CDH23: variants seen among roughly 807,000 people sequenced by gnomAD.
CDH23 encodes the protein cadherin-23.
CDH23 carries 189 observed loss-of-function variants against 317.1 expected under a neutral mutation model. That is an observed-to-expected ratio of 0.60 (90% CI 0.53 to 0.67). The LOEUF (loss-of-function observed/expected upper bound fraction) is 0.67. CDH23 is among the 30% of genes least tolerant of loss of function. The pLI is 0.00. For synonymous variants in CDH23, 1,839 were observed against 1,876.8 expected (o/e 0.98, Z 0.52); for missense variants, 4,401 against 4,592.4 (o/e 0.96, Z 1.20).
At chr10:71,640,068 A>T (rs577734095) in intron 11 of CDH23, among the ~76,000 whole-genome samples, 19 of 152,296 alleles carry the variant, frequency 1.2e-4, no homozygotes, top group African/African-American at 3.4e-4. Context: ...AGCAAGTCTC[A>T]TTCATTTGAA....
chr10:71,682,304 G>A, intron 17 of CDH23, 141 bp from the exon 18 acceptor site: 1 of 1,081,062 alleles, frequency 9.3e-7, no homozygotes, highest in South Asian at 1.6e-5. Context: ...TCGAGATGTT[G>A]AGGCTCCAGG....
chr10:71,786,658 C>T (rs1388710923), intron 44 of CDH23, among the ~76,000 whole-genome samples: 13 of 151,824 alleles, frequency 8.6e-5, no homozygotes, highest in African/African-American at 2.4e-4. Flanking sequence ...CCACCTTGCC[C>T]GGCTAATTTT....
At chr10:71,707,218 T>C in intron 26 of CDH23, 169 bp downstream of exon 26, 1 of 1,491,180 alleles carries the variant, frequency 6.7e-7, no homozygotes, top group African/African-American at 1.4e-5. Flanking sequence ...TGCTCCTGGC[T>C]CTTCCCAAGG....
At chr10:71,519,412 G>A (rs578075834) in intron 6 of CDH23, among the ~76,000 whole-genome samples, 36 of 152,358 alleles carry the variant, frequency 2.4e-4, no homozygotes, top group Admixed American at 1.0e-3. Context: ...GAGGGTACAG[G>A]GTCTTCTGCC....
intron 1 of CDH23, among the ~76,000 whole-genome samples, chr10:71,425,267 G>GAGGA (rs1849014206): frequency 7.2e-6 from 1 of 138,206 alleles, no homozygotes; most frequent in Non-Finnish European, 1.6e-5. Context: ...GAGAGAGAGA[G>GAGGA]AGGAAGGAAG....
chr10:71,652,881 A>G (rs1479649534), intron 14 of CDH23, among the ~76,000 whole-genome samples: 2 of 152,186 alleles, frequency 1.3e-5, no homozygotes, highest in Non-Finnish European at 2.9e-5. Flanking sequence ...GGGCTGGTTC[A>G]GGGCCTTCTG....
chr10:71,643,411 A>T (rs1266680829), intron 11 of CDH23, among the ~76,000 whole-genome samples: 1 of 152,186 alleles, frequency 6.6e-6, no homozygotes, highest in Non-Finnish European at 1.5e-5. Context: ...TTAGGAAAAT[A>T]AAAACATGGG....
At chr10:71,563,771 C>T (rs1012962804) in intron 6 of CDH23, among the ~76,000 whole-genome samples, 12 of 143,958 alleles carry the variant, frequency 8.3e-5, no homozygotes, top group Non-Finnish European at 1.2e-4. Context: ...TTTTTTGAGA[C>T]GGAGTCTTGC....
At chr10:71,569,335 G>A (rs1469415471) in intron 7 of CDH23, among the ~76,000 whole-genome samples, 2 of 152,188 alleles carry the variant, frequency 1.3e-5, no homozygotes, top group Non-Finnish European at 1.5e-5. Context: ...GCCAGGAGGA[G>A]GCACCAGGCT....
In CDH23 at chr10:71,659,487, G is replaced by A. The variant is rs576999473; in HGVS notation, c.1449+12870G>A. ...GTTTGGGGTGGCTTAATCTCACTCT[G>A]TAATCTCTGTACAGGGGATAGTAGC... On this transcript the variant is annotated intron_variant, in intron 14 of 69. Coordinates refer to ENST00000224721, the MANE Select transcript of CDH23 (RefSeq NM_022124.6). 1.7e-4 allele frequency among the ~76,000 whole-genome samples: 26 copies of A among 152,298 alleles called. No individual in the cohort carries two copies. In the South Asian group the frequency reaches 5.2e-3, roughly 30 times the overall value.
chr10:71,549,407 C>T (rs115141720), intron 6 of CDH23, among the ~76,000 whole-genome samples: 4,982 of 152,268 alleles, frequency 0.033, 276 homozygotes, highest in African/African-American at 0.11. Flanking sequence ...TGGAGGGACT[C>T]CAGAGAGGGG....
At chr10:71,489,218 G>C (rs754080906) in intron 3 of CDH23, among the ~76,000 whole-genome samples, 9 of 152,182 alleles carry the variant, frequency 5.9e-5, no homozygotes, top group Non-Finnish European at 1.2e-4. Context: ...ATGTAAGTTA[G>C]ATCATTTATT....
chr10:71,445,889 C>G (rs1258022499), intron 2 of CDH23, among the ~76,000 whole-genome samples: 1 of 140,620 alleles, frequency 7.1e-6, no homozygotes, highest in Non-Finnish European at 1.6e-5. Flanking sequence ...TAAAAAGAAA[C>G]AGGTGACATT....
chr10:71,720,627 T>G (rs1866512732), intron 28 of CDH23, among the ~76,000 whole-genome samples: 1 of 152,134 alleles, frequency 6.6e-6, no homozygotes, highest in African/African-American at 2.4e-5. Flanking sequence ...ACCCATTCCC[T>G]TTTTTGGAGC....
chr10:71,792,841 AAAAAAAAAAAAATATATATAT>A (rs1187947182), intron 47 of CDH23, among the ~76,000 whole-genome samples: 4 of 77,438 alleles, frequency 5.2e-5, no homozygotes, highest in Admixed American at 1.3e-4. Context: ...AAAAAAAAAA[AAAAAAAAAAAAATATATATAT>A]ATATATATAT....
At chr10:71,807,820 C>T (rs1179851184) in intron 59 of CDH23, 26 bp from the exon 60 acceptor site, 4 of 1,592,376 alleles carry the variant, frequency 2.5e-6, no homozygotes, top group Admixed American at 1.8e-5. Flanking sequence ...TGCCCTGCCA[C>T]TTACACCACC....
chr10:71,514,341 GTCTGGGGAGCCTTGGAGGA>G (rs1287986991), intron 6 of CDH23, among the ~76,000 whole-genome samples: 1 of 152,210 alleles, frequency 6.6e-6, no homozygotes, highest in Non-Finnish European at 1.5e-5. Context: ...GAACAGCCAG[GTCTGGGGAGCCTTGGAGGA>G]TCCCACTAGA....
At chr10:71,723,637 G>A (rs1329040354) in intron 28 of CDH23, among the ~76,000 whole-genome samples, 1 of 152,142 alleles carries the variant, frequency 6.6e-6, no homozygotes, top group Non-Finnish European at 1.5e-5. Context: ...AGGAAATGCG[G>A]GCAAGAAGTA....
chr10:71,646,704 C>T, intron 14 of CDH23, 87 bp downstream of exon 14: 2 of 1,612,868 alleles, frequency 1.2e-6, no homozygotes, highest in Non-Finnish European at 1.7e-6. Context: ...CAAGGGACCT[C>T]AGCAATCAGG....
Sources: gnomAD v4.1 joint callset for allele counts (sites outside exome capture counted in the v4.1 genomes callset) on GRCh38, gnomAD v4.1.1 for gene constraint, MANE v1.5 for transcripts, NCBI Gene and HGNC (gene_info 2026-07-23, HGNC 2026-07-21) for gene names.